DDB1: variants seen among roughly 807,000 people sequenced by gnomAD.
DDB1 encodes the protein DNA damage-binding protein 1.
Under a neutral mutation model 133.1 loss-of-function variants are expected in DDB1, and 18 were observed. That is an observed-to-expected ratio of 0.14 (90% CI 0.09 to 0.20). The LOEUF (loss-of-function observed/expected upper bound fraction) is 0.20. Ranked by LOEUF, DDB1 falls within the 10% of genes least tolerant of loss-of-function variation. The probability of loss-of-function intolerance (pLI) is 1.00; values close to 1 mark genes in which losing one functional copy is unlikely to be tolerated. For synonymous variants in DDB1, 580 were observed against 550.5 expected (o/e 1.05, Z -0.75); for missense variants, 828 against 1,459.2 (o/e 0.57, Z 7.05).
At chr11:61,311,708 C>T in intron 18 of DDB1, 76 bp downstream of exon 18, 2 of 1,340,108 alleles carry the variant, frequency 1.5e-6, no homozygotes, top group Non-Finnish European at 1.0e-6. Context: ...AAGCCGAAAG[C>T]CTTCACTACC....
At chr11:61,329,835 C>G (rs1009838543) in intron 3 of DDB1, 123 bp downstream of exon 3, 2 of 901,060 alleles carry the variant, frequency 2.2e-6, no homozygotes, top group Non-Finnish European at 3.4e-6. Flanking sequence ...AAGCTCAAAC[C>G]CATAGTGTCT....
intron 18 of DDB1, 164 bp from the exon 19 acceptor site, chr11:61,310,582 T>G (rs1002425282): frequency 1.4e-6 from 1 of 696,784 alleles, no homozygotes; most frequent in East Asian, 2.9e-5. Context: ...AGAGGAGGCA[T>G]GTAGTTGAAA....
At chr11:61,322,947 G>C in intron 8 of DDB1, 64 bp downstream of exon 8, 3 of 1,352,814 alleles carry the variant, frequency 2.2e-6, no homozygotes, top group Non-Finnish European at 3.1e-6. Flanking sequence ...CCAAACATAG[G>C]AGAAATTTGA....
chr11:61,302,364 A>G lies in DDB1; in HGVS notation c.3113-5T>C. On this transcript the variant is annotated splice_polypyrimidine_tract_variant and splice_region_variant and intron_variant, in intron 24 of 26. Transcript: ENST00000301764. Reference sequence around the variant, plus strand: ...CTGACAGTGAGGTCACCAGCCCTGAAGAAGTGAAGGAGGCAGTGAGCTGCA... The same window carrying G: ...CTGACAGTGAGGTCACCAGCCCTGAGGAAGTGAAGGAGGCAGTGAGCTGCA... The G allele has an allele frequency of 6.2e-7, 1 of 1,614,016 alleles. No homozygotes were observed. The highest frequency in any genetic ancestry group is 8.5e-7 in the Non-Finnish European group (1 of 1,179,844).
chr11:61,316,982 T>TATATAG (rs1856093845), intron 10 of DDB1, among the ~76,000 whole-genome samples: 1 of 72,526 alleles, frequency 1.4e-5, no homozygotes, highest in Non-Finnish European at 3.2e-5. Context: ...TATATATATA[T>TATATAG]ATATATATAT....
chr11:61,325,749 G>T, intron 5 of DDB1, 41 bp from the exon 6 acceptor site: 2 of 1,525,642 alleles, frequency 1.3e-6, no homozygotes, highest in Non-Finnish European at 1.8e-6. Flanking sequence ...CAGCACTCTG[G>T]GTCTGCCAAA....
chr11:61,314,403 G>A lies in DDB1; in HGVS notation c.1494C>T (p.Ile498=). Reference sequence around the variant, plus strand: ...GGCTGCTATTGCAGGAGGCCACACTGATGTTCTTGGCCTGAGGCTCCTTCC... The same window carrying A: ...GGCTGCTATTGCAGGAGGCCACACTAATGTTCTTGGCCTGAGGCTCCTTCC... ...SEWKEPQAKN[I]SVASCNSSQV... is the part of the protein sequence containing the mutation. Residue 498 remains isoleucine (I), a synonymous_variant, in exon 13 of 27, where the codon ATC becomes ATT. Transcript: ENST00000301764. The A allele has an allele frequency of 1.2e-6, 2 of 1,614,270 alleles. No homozygotes were observed. Among genetic ancestry groups the A allele is most frequent in the Middle Eastern group, 1.6e-4 (1 of 6,062 alleles).
chr11:61,331,749 A>G, intron 1 of DDB1, 58 bp from the exon 2 acceptor site: 1 of 1,602,344 alleles, frequency 6.2e-7, no homozygotes, highest in Middle Eastern at 1.7e-4. Context: ...CATCCCTTCA[A>G]AATAATCCTA....
At position 61,300,256 on chromosome 11, in the gene DDB1, G is replaced by C. The variant is rs771857252; in HGVS notation, c.3340-37C>G. On this transcript the variant is annotated intron_variant, in intron 26 of 26. Transcript: ENST00000301764. The stretch of plus-strand genomic sequence containing the variant: ...AGATGGGCGGGGCTGTGAGGACCAA[G>C]AGGGTGCTCTCCCACAGGTGGGGAA... 4 of 1,596,180 alleles carry C rather than the reference G, an allele frequency of 2.5e-6. No homozygotes were observed. The African/African-American group carries it at 4.0e-5, about 16-fold the overall frequency.
chr11:61,300,239 G>A lies in DDB1; in HGVS notation c.3340-20C>T, dbSNP rs28720362. ...GTCATACTGCAATGAGAAGATGGGC[G>A]GGGCTGTGAGGACCAAGAGGGTGCT... On this transcript the variant is annotated intron_variant, in intron 26 of 26. Transcript: ENST00000301764. The A allele has an allele frequency of 4.2e-5, 67 of 1,612,204 alleles. No individual in the cohort carries two copies. The highest frequency in any genetic ancestry group is 1.6e-4 in the East Asian group (7 of 44,848).
chr11:61,319,387 T>C (rs1856139469), intron 10 of DDB1, among the ~76,000 whole-genome samples: 1 of 152,176 alleles, frequency 6.6e-6, no homozygotes, highest in South Asian at 2.1e-4. Context: ...GGCTTAACAG[T>C]ATGCTTCAGT....
chr11:61,302,201 G>A (rs1170021260), intron 25 of DDB1, 56 bp downstream of exon 25: 2 of 1,453,734 alleles, frequency 1.4e-6, no homozygotes, highest in Non-Finnish European at 1.9e-6. Context: ...GTGACTCCGT[G>A]TGCCACATAT....
In DDB1 at chr11:61,300,355, C is replaced by G. The variant is rs976587043; in HGVS notation, c.3340-136G>C. 17 of 868,146 alleles carry G rather than the reference C, an allele frequency of 2.0e-5. No homozygotes were observed. In the East Asian group the frequency reaches 2.9e-4, roughly 15 times the overall value. The allele number at this position is 868,146 out of a possible 1,614,324, so 53.8% of individuals were successfully genotyped here. ...AGAGGAAGGACTCACCAGAAACCCA[C>G]GCCTCCCCCTGGGTGGCACAGGTCA... On this transcript the variant is annotated intron_variant, in intron 26 of 26. Transcript: ENST00000301764.
chr11:61,331,600 G>T lies in DDB1; in HGVS notation c.153C>A (p.Pro51=). 7 of 1,613,980 alleles carry T rather than the reference G, an allele frequency of 4.3e-6. No homozygotes were observed. Among genetic ancestry groups the T allele is most frequent in the Non-Finnish European group, 5.9e-6 (7 of 1,179,994 alleles). ...IYVVTAEGLR[P]VKEVGMYGKI... is the part of the protein sequence containing the mutation. The stretch of plus-strand genomic sequence containing the variant: ...TCCCATACATGCCCACCTCTTTGAC[G>T]GGCCGAAGCCCCTCGGCGGTGACCA... The change falls in exon 2 of 27, where the codon CCC becomes CCA. Residue 51 remains proline (P), a synonymous_variant. Coordinates refer to ENST00000301764, the MANE Select transcript of DDB1 (RefSeq NM_001923.5).
intron 4 of DDB1, among the ~76,000 whole-genome samples, chr11:61,328,006 T>C (rs2512813): frequency 1 from 151,937 of 152,360 alleles, 75,758 homozygotes; most frequent in Middle Eastern, 1. Flanking sequence ...GACACAACTT[T>C]GCAAAAAGTT....
intron 20 of DDB1, 93 bp downstream of exon 20, chr11:61,309,703 C>T (rs1855931612): frequency 8.0e-6 from 11 of 1,383,506 alleles, no homozygotes; most frequent in African/African-American, 1.4e-5. Context: ...ACTTCTTCTA[C>T]TGCTTAACTG....
chr11:61,310,248 G>C, intron 19 of DDB1, 47 bp downstream of exon 19: 1 of 1,585,594 alleles, frequency 6.3e-7, no homozygotes, highest in South Asian at 1.2e-5. Flanking sequence ...GAACAGCCTG[G>C]ATTAGGGAGG....
At chr11:61,303,217 G>T in intron 22 of DDB1, 62 bp from the exon 23 acceptor site, 1 of 1,489,096 alleles carries the variant, frequency 6.7e-7, no homozygotes, top group South Asian at 1.1e-5. Flanking sequence ...ATCCAGTTCT[G>T]GGACTTGTGT....
intron 6 of DDB1, among the ~76,000 whole-genome samples, chr11:61,324,554 CTA>C (rs1231402607): frequency 6.6e-6 from 1 of 152,084 alleles, no homozygotes; most frequent in Non-Finnish European, 1.5e-5. Context: ...CAGGGTCTTT[CTA>C]TGTCACCCAG....
Sources: gnomAD v4.1 joint callset for allele counts (sites outside exome capture counted in the v4.1 genomes callset) on GRCh38, gnomAD v4.1.1 for gene constraint, MANE v1.5 for transcripts, NCBI Gene and HGNC (gene_info 2026-07-23, HGNC 2026-07-21) for gene names.